CAPRIN2: variants seen among roughly 807,000 people sequenced by gnomAD.
CAPRIN2 encodes caprin-2.
A neutral mutation model predicts 130.4 loss-of-function variants in CAPRIN2; 66 were observed. The observed-to-expected ratio is 0.51, with a 90% confidence interval of 0.42 to 0.62. The LOEUF (loss-of-function observed/expected upper bound fraction) is 0.62, where lower values mean the gene tolerates loss of function less well. Among genes scored for constraint, CAPRIN2 ranks in the 20% least tolerant of loss-of-function variants. CAPRIN2 has a pLI of 0.00. For synonymous variants in CAPRIN2, 471 were observed against 444.1 expected, an observed-to-expected ratio of 1.06 and a Z score of -0.76; for missense variants, 1,185 against 1,246.6, an observed-to-expected ratio of 0.95 and a Z score of 0.74.
intron 3 of CAPRIN2, among the ~76,000 whole-genome samples, chr12:30,739,579 A>G (rs1012480617): frequency 1.3e-5 from 2 of 152,144 alleles, no homozygotes; most frequent in East Asian, 1.9e-4. Flanking sequence ...CTTAAAAAGA[A>G]TAAGTCGCGC....
At chr12:30,734,849 A>AACACACACAC (rs10557103) in intron 4 of CAPRIN2, 119 bp downstream of exon 5, 10 of 626,748 alleles carry the variant, frequency 1.6e-5, no homozygotes, top group Admixed American at 7.6e-5. Flanking sequence ...CCCCCTCTCT[A>AACACACACAC]ACACACACAC....
intron 2 of CAPRIN2, among the ~76,000 whole-genome samples, chr12:30,741,710 C>A (rs1454657428): frequency 6.6e-6 from 1 of 152,006 alleles, no homozygotes; most frequent in Non-Finnish European, 1.5e-5. Context: ...AAGGACCAAT[C>A]TGAAACAGAA....
At chr12:30,753,242 G>C in intron 1 of CAPRIN2, 102 bp downstream of exon 2, 1 of 942,906 alleles carries the variant, frequency 1.1e-6, no homozygotes, top group East Asian at 2.4e-5. Context: ...CCTAAGGTTA[G>C]TTAAATTTTT....
At chr12:30,751,909 ATT>A (rs574883707) in intron 1 of CAPRIN2, among the ~76,000 whole-genome samples, 2,268 of 87,420 alleles carry the variant, frequency 0.026, 9 homozygotes, top group East Asian at 0.11. Context: ...CCACTATGGT[ATT>A]TTTTTTTTTT....
chr12:30,715,181 G>A (rs757674820), intron 13 of CAPRIN2, 40 bp from the exon 16 acceptor site: 3 of 1,548,430 alleles, frequency 1.9e-6, no homozygotes, highest in Non-Finnish European at 2.7e-6. Flanking sequence ...AGAGTTAAAT[G>A]GTAATAGTCT....
At position 30,721,037 on chromosome 12, in the gene CAPRIN2, T is replaced by C. The variant is rs149800449; in HGVS notation, c.2044-122A>G. The C allele has an allele frequency of 8.6e-5, 58 of 673,080 alleles. 1 individual carries two copies. In the East Asian group the frequency reaches 1.6e-3, roughly 18 times the overall value. 41.7% of individuals were successfully genotyped at this position (673,080 alleles called of 1,614,324 possible). ...CACGCACATGTGTCAAGCACTCTGC[T>C]AAACACTTTATACGTGTTAATATAT... On this transcript the variant is annotated intron_variant, in intron 11 of 16. Coordinates refer to ENST00000298892, the Ensembl canonical transcript of CAPRIN2.
exon 1 of CAPRIN2, chr12:30,753,742 C>T (rs770942231): frequency 5.0e-6 from 8 of 1,609,840 alleles, no homozygotes; most frequent in Non-Finnish European, 5.1e-6. Flanking sequence ...CCCAATGATG[C>T]TTGAGATACT....
At chr12:30,739,402 G>A (rs2066327835) in intron 3 of CAPRIN2, among the ~76,000 whole-genome samples, 1 of 152,172 alleles carries the variant, frequency 6.6e-6, no homozygotes, top group South Asian at 2.1e-4. Flanking sequence ...GGAGCCACTT[G>A]AGGGTGGAGG....
intron 14 of CAPRIN2, among the ~76,000 whole-genome samples, 165 bp from the exon 17 acceptor site, chr12:30,714,050 A>G (rs2056477401): frequency 2.6e-5 from 4 of 152,216 alleles, no homozygotes; most frequent in Admixed American, 6.5e-5. Context: ...AAAGTAAAAC[A>G]TATTTATAGA....
Position 30,710,078 on chromosome 12 carries a change from C to CCT in CAPRIN2, c.3056_3057dup (p.Val1020ArgfsTer73). On this transcript the variant is annotated frameshift_variant, in exon 17 of 17. Coordinates refer to ENST00000298892, the Ensembl canonical transcript of CAPRIN2. LOFTEE classifies it high-confidence loss of function. The surrounding 1 kb of genome is among the most constrained non-coding windows in gnomAD (Gnocchi z 4.8). ...TCATTGGCATAGGCTGATACCAAGACCTCTTCATTCTTCATGAGGTTGACA... is the reference window on the plus strand; with the variant it reads ...TCATTGGCATAGGCTGATACCAAGACCTCTCTTCATTCTTCATGAGGTTGACA... The CCT allele has an allele frequency of 6.2e-7, 1 of 1,614,136 alleles. No homozygotes were observed. Among genetic ancestry groups the CCT allele is most frequent in the Non-Finnish European group, 8.5e-7 (1 of 1,180,024 alleles).
chr12:30,713,266 T>A (rs1054458768), intron 15 of CAPRIN2, among the ~76,000 whole-genome samples: 6 of 152,238 alleles, frequency 3.9e-5, no homozygotes, highest in Non-Finnish European at 7.3e-5. Flanking sequence ...CATCCTCTTA[T>A]GAGTCTTTTA....
At chr12:30,725,866 A>T in intron 9 of CAPRIN2, 100 bp downstream of exon 10, 2 of 1,043,854 alleles carry the variant, frequency 1.9e-6, no homozygotes, top group Non-Finnish European at 2.6e-6. Flanking sequence ...CAGCAGAGCC[A>T]GGACTTGACA....
At chr12:30,754,798 C>T (rs1402651419), upstream of CAPRIN2, 1 of 152,260 alleles carries the variant, frequency 6.6e-6, no homozygotes, top group Non-Finnish European at 1.5e-5. Context: ...GGCCCGCCTT[C>T]CAAAGCCTGG....
intron 11 of CAPRIN2, among the ~76,000 whole-genome samples, chr12:30,721,836 G>C (rs1257266279): frequency 6.6e-6 from 1 of 152,170 alleles, no homozygotes; most frequent in African/African-American, 2.4e-5. Flanking sequence ...TGAGTTTTAA[G>C]ATCTTATGGA....
chr12:30,725,154 C>T (rs2060528358), intron 9 of CAPRIN2, among the ~76,000 whole-genome samples: 1 of 152,186 alleles, frequency 6.6e-6, no homozygotes, highest in Non-Finnish European at 1.5e-5. Context: ...TTTATCTCAA[C>T]CATTTACTAG....
At chr12:30,715,506 G>C (rs1329517858) in intron 13 of CAPRIN2, 2 of 454,852 alleles carry the variant, frequency 4.4e-6, no homozygotes, top group African/African-American at 4.0e-5. Flanking sequence ...GCCAGGGGCT[G>C]GGGGGAGAGG....
chr12:30,709,999 T>C lies in CAPRIN2; in HGVS notation c.3137A>G (p.Gln1046Arg), dbSNP rs1200599835. The C allele has an allele frequency of 4.3e-6, 7 of 1,614,020 alleles. 1 individual carries two copies. Among genetic ancestry groups the C allele is most frequent in the Non-Finnish European group, 2.5e-6 (3 of 1,180,024 alleles). Reference sequence around the variant, plus strand: ...CAGACGTAACCATATCTGGTCTCCCTGGAAGAGCTGAAGAATTGCATGATT... The same window carrying C: ...CAGACGTAACCATATCTGGTCTCCCCGGAAGAGCTGAAGAATTGCATGATT... The change falls in exon 17 of 17, where the codon CAG (glutamine) becomes CGG (arginine). Residue 1046 changes from glutamine (Q) to arginine (R), a missense_variant. Transcript: ENST00000298892.
At chr12:30,721,468 A>C (rs2059385660) in intron 11 of CAPRIN2, among the ~76,000 whole-genome samples, 1 of 152,228 alleles carries the variant, frequency 6.6e-6, no homozygotes. Context: ...TTCTAGTGAA[A>C]AATCAAGCTG....
chr12:30,738,397 A>G (rs906945109), intron 3 of CAPRIN2, among the ~76,000 whole-genome samples: 1 of 152,316 alleles, frequency 6.6e-6, no homozygotes, highest in Middle Eastern at 3.4e-3. Context: ...CTTACTGGCC[A>G]TATGACTTTG....
Sources: gnomAD v4.1 joint callset for allele counts (sites outside exome capture counted in the v4.1 genomes callset) on GRCh38, gnomAD v4.1.1 for gene constraint, Gnocchi (gnomAD v3.1) non-coding constraint, MANE v1.5 for transcripts, NCBI Gene and HGNC (gene_info 2026-07-23, HGNC 2026-07-21) for gene names.